Variants in HMGB1 observed in about 807,000 individuals in gnomAD.
HMGB1 encodes the protein high mobility group box 1, also known as high mobility group protein B1.
For missense variants in HMGB1, 79 were observed against 253.5 expected, an observed-to-expected ratio of 0.31 and a Z score of 4.67; for synonymous variants, 81 against 84.0, an observed-to-expected ratio of 0.96 and a Z score of 0.19.
chr13:30,463,115 T>A (rs1241103314), intron 3 of HMGB1, 92 bp downstream of exon 3: 2 of 1,244,200 alleles, frequency 1.6e-6, no homozygotes, highest in Non-Finnish European at 2.3e-6. Context: ...GATTGTACAT[T>A]TACACTCTAA....
intron 1 of HMGB1, among the ~76,000 whole-genome samples, chr13:30,603,503 A>G (rs373435510): frequency 4.6e-5 from 7 of 152,330 alleles, no homozygotes; most frequent in African/African-American, 1.7e-4. Context: ...TTATGTTAAC[A>G]TGCTAAGGTT....
chr13:30,464,145 A>C (rs144068820), intron 1 of HMGB1: 1 of 1,874 alleles, frequency 5.3e-4, no homozygotes, highest in Non-Finnish European at 7.6e-4. Flanking sequence ...ATGGGACCTT[A>C]AAAAAAAAAA....
Position 30,461,656 on chromosome 13 carries a change from G to A in HMGB1, c.472-123C>T, listed in dbSNP as rs1459801222. On this transcript the variant is annotated intron_variant, in intron 4 of 4. Transcript: ENST00000341423. ...AGTTATACCAAAATATCACGTATCT[G>A]TAGATCCACAGCAACTCCAGAAATA... is the stretch of plus-strand genomic sequence containing the variant. The A allele has an allele frequency of 4.4e-6, 7 of 1,591,734 alleles. No individual in the cohort carries two copies. In the Admixed American group the frequency reaches 5.2e-5, roughly 12 times the overall value.
intron 1 of HMGB1, among the ~76,000 whole-genome samples, chr13:30,488,375 A>G (rs1887408265): frequency 6.6e-6 from 1 of 152,216 alleles, no homozygotes; most frequent in South Asian, 2.1e-4. Flanking sequence ...TAAGAAATGG[A>G]TCTGAATTGC....
intron 1 of HMGB1, among the ~76,000 whole-genome samples, chr13:30,585,687 T>C (rs1003996406): frequency 2.0e-5 from 3 of 151,900 alleles, no homozygotes; most frequent in South Asian, 2.1e-4. Flanking sequence ...GTAAAAAGTA[T>C]ATAGTTGATT....
At chr13:30,580,796 C>G (rs181082393) in intron 1 of HMGB1, among the ~76,000 whole-genome samples, 4 of 152,260 alleles carry the variant, frequency 2.6e-5, no homozygotes, top group Admixed American at 2.0e-4. Context: ...CAAAGATAAG[C>G]CTTTCTGAGA....
intron 1 of HMGB1, chr13:30,464,620 G>C (rs906013975): frequency 2.0e-6 from 2 of 983,916 alleles, no homozygotes; most frequent in African/African-American, 3.5e-5. Context: ...TCGGCGCAGG[G>C]AGAAGCCCCG....
intron 1 of HMGB1, among the ~76,000 whole-genome samples, chr13:30,500,825 G>A (rs191130125): frequency 6.6e-6 from 1 of 151,602 alleles, no homozygotes; most frequent in African/African-American, 2.4e-5. Context: ...CCGGGTTCAA[G>A]GGATTCTCCT....
chr13:30,549,221 T>C (rs1478777318), intron 1 of HMGB1, among the ~76,000 whole-genome samples: 1 of 152,006 alleles, frequency 6.6e-6, no homozygotes, highest in East Asian at 1.9e-4. Flanking sequence ...AGGTCAAGGG[T>C]GCAGTGAGCC....
intron 1 of HMGB1, among the ~76,000 whole-genome samples, chr13:30,576,180 T>TA (rs1870645491): frequency 6.6e-6 from 1 of 152,196 alleles, no homozygotes; most frequent in African/African-American, 2.4e-5. Flanking sequence ...TTTTATAACA[T>TA]AGACCCAATT....
intron 1 of HMGB1, among the ~76,000 whole-genome samples, chr13:30,525,859 G>GC (rs1204651599): frequency 1.3e-5 from 2 of 151,254 alleles, no homozygotes; most frequent in Non-Finnish European, 3.0e-5. Context: ...GAGATTGTGG[G>GC]GGGACACAAA....
chr13:30,500,727 T>C (rs1201751909), intron 1 of HMGB1, among the ~76,000 whole-genome samples: 2 of 103,620 alleles, frequency 1.9e-5, no homozygotes, highest in African/African-American at 5.8e-5. Context: ...TTTTAATTTC[T>C]TTTTTTTTTT....
In HMGB1 at chr13:30,463,481, T is replaced by C. The variant is rs374944331; in HGVS notation, c.150+50A>G. 4.4e-6 allele frequency: 7 copies of C among 1,575,834 alleles called. No homozygotes were observed. The African/African-American group carries it at 5.5e-5, about 12-fold the overall frequency. On this transcript the variant is annotated intron_variant, in intron 2 of 4. Transcript: ENST00000341423. ...ACTAGGCTTTTTTTTGCATCCTCAA[T>C]TGGAAACTGTCTTTTAATTACCTTG...
intron 1 of HMGB1, among the ~76,000 whole-genome samples, chr13:30,537,732 T>G (rs2137494552): frequency 6.9e-6 from 1 of 144,424 alleles, no homozygotes; most frequent in East Asian, 2.1e-4. Flanking sequence ...AGGATGGACT[T>G]GTGACTATTT....
At chr13:30,579,334 G>T (rs1256990852) in intron 1 of HMGB1, among the ~76,000 whole-genome samples, 2 of 152,068 alleles carry the variant, frequency 1.3e-5, no homozygotes, top group Non-Finnish European at 2.9e-5. Context: ...CACAATTTTT[G>T]TTTCTGTCAC....
intron 1 of HMGB1, among the ~76,000 whole-genome samples, chr13:30,578,365 GTTCT>G (rs1204086721): frequency 1.5e-4 from 10 of 67,084 alleles, no homozygotes; most frequent in South Asian, 5.0e-4. Context: ...ACCAGTTCTT[GTTCT>G]TTTTTTTTTT....
intron 1 of HMGB1, among the ~76,000 whole-genome samples, chr13:30,592,610 G>A (rs916677092): frequency 6.6e-6 from 1 of 152,086 alleles, no homozygotes; most frequent in Non-Finnish European, 1.5e-5. Flanking sequence ...AACCTGACAA[G>A]TGAAGTTGTG....
intron 1 of HMGB1, among the ~76,000 whole-genome samples, chr13:30,513,636 T>C (rs1888039656): frequency 6.6e-6 from 1 of 152,220 alleles, no homozygotes; most frequent in South Asian, 2.1e-4. Context: ...CTACTGGTCA[T>C]CTCTACTTGG....
chr13:30,505,378 C>T (rs1355108325), intron 1 of HMGB1, among the ~76,000 whole-genome samples: 1 of 151,844 alleles, frequency 6.6e-6, no homozygotes, highest in Non-Finnish European at 1.5e-5. Context: ...CAGGGTTTCA[C>T]CGTGTTAGCC....
Sources: gnomAD v4.1 joint callset for allele counts (sites outside exome capture counted in the v4.1 genomes callset) on GRCh38, gnomAD v4.1.1 for gene constraint, MANE v1.5 for transcripts, NCBI Gene and HGNC (gene_info 2026-07-23, HGNC 2026-07-21) for gene names.